The following NKAIN3 variants were observed in gnomAD, a reference collection of about 807,000 sequenced individuals.
NKAIN3 encodes sodium/potassium transporting ATPase interacting 3.
In NKAIN3, 25 loss-of-function variants were observed where a neutral mutation model predicts 30.2. That is an observed-to-expected ratio of 0.83 (90% CI 0.60 to 1.16). NKAIN3 has a LOEUF of 1.16. Ranked by LOEUF, NKAIN3 falls within the 50% of genes most tolerant of loss-of-function variation. The probability of loss-of-function intolerance (pLI) is 0.00; values close to 1 mark genes in which losing one functional copy is unlikely to be tolerated. For missense variants in NKAIN3, 225 were observed against 254.1 expected (o/e 0.89, Z 0.78); for synonymous variants, 91 against 89.6 (o/e 1.02, Z -0.09).
Position 62,410,980 on chromosome 8 carries a change from C to A in NKAIN3, c.54+161853C>A, listed in dbSNP as rs562438328. On this transcript the variant is annotated intron_variant, in intron 1 of 6. Transcript: ENST00000623646. ...CAGACATGCAAAGAAGAGCTGGTGC[C>A]AATCCTACTGAAAATATTCCAAAAA... Among the ~76,000 whole-genome samples the A allele has an allele frequency of 6.6e-5, 10 of 152,270 alleles. No individual in the cohort carries two copies. The East Asian group carries it at 1.9e-3, about 29-fold the overall frequency.
chr8:62,894,962 G>A (rs147146007), intron 4 of NKAIN3, among the ~76,000 whole-genome samples: 2 of 152,170 alleles, frequency 1.3e-5, no homozygotes. Flanking sequence ...TCCCTTTAAA[G>A]AGCTTTCTTG....
chr8:62,284,965 G>A (rs1813330093), intron 1 of NKAIN3, among the ~76,000 whole-genome samples: 1 of 152,094 alleles, frequency 6.6e-6, no homozygotes, highest in South Asian at 2.1e-4. Flanking sequence ...ATTCTCTTTA[G>A]TGAAAAATAG....
intron 1 of NKAIN3, among the ~76,000 whole-genome samples, chr8:62,364,051 T>TA (rs113607365): frequency 0.14 from 20,868 of 152,144 alleles, 1,735 homozygotes; most frequent in East Asian, 0.4. Context: ...CTTCTCTGTA[T>TA]AGATGCTTAT....
At chr8:62,436,986 T>C (rs923092614) in intron 1 of NKAIN3, among the ~76,000 whole-genome samples, 2 of 152,100 alleles carry the variant, frequency 1.3e-5, no homozygotes, top group South Asian at 2.1e-4. Context: ...CCAAAGTCAA[T>C]GAAAGATTGT....
intron 5 of NKAIN3, among the ~76,000 whole-genome samples, chr8:62,996,289 G>T (rs544272144): frequency 6.6e-6 from 1 of 152,160 alleles, no homozygotes; most frequent in Non-Finnish European, 1.5e-5. Context: ...GACAGAGTGC[G>T]CAGGGGAAAG....
rs1317600303 is a variant in NKAIN3, at chr8:62,968,956, A to G, written c.*3549A>G. On this transcript the variant is annotated 3_prime_UTR_variant, in exon 7 of 7. Transcript: ENST00000623646. Reference sequence around the variant, plus strand: ...CTTGGGTTGTGGAATAGCACACATCAGAGAAATCTCAAACATCTCTTAGGA... The same window carrying G: ...CTTGGGTTGTGGAATAGCACACATCGGAGAAATCTCAAACATCTCTTAGGA... 1.3e-5 allele frequency among the ~76,000 whole-genome samples: 2 copies of G among 152,222 alleles called. No homozygotes were observed. The highest frequency in any genetic ancestry group is 2.4e-5 in the African/African-American group (1 of 41,466).
chr8:62,519,260 T>C (rs527282537), intron 1 of NKAIN3, among the ~76,000 whole-genome samples: 2 of 152,244 alleles, frequency 1.3e-5, no homozygotes, highest in African/African-American at 2.4e-5. Flanking sequence ...AAAATTCTCA[T>C]GATGATTCAT....
chr8:62,968,386 G>A lies in NKAIN3; in HGVS notation c.*2979G>A, dbSNP rs765245363. On this transcript the variant is annotated 3_prime_UTR_variant, in exon 7 of 7. Transcript: ENST00000623646. Reference sequence around the variant, plus strand: ...TTATAGAATGCACTCTGCATTGTGCGTATCCAGTAGGGTTTTCAGCAAAGA... The same window carrying A: ...TTATAGAATGCACTCTGCATTGTGCATATCCAGTAGGGTTTTCAGCAAAGA... Among the ~76,000 whole-genome samples the A allele has an allele frequency of 9.2e-5, 14 of 152,280 alleles. No homozygotes were observed. In the South Asian group the frequency reaches 1.9e-3, roughly 20 times the overall value.
At chr8:62,485,661 T>C (rs533038031) in intron 1 of NKAIN3, among the ~76,000 whole-genome samples, 9 of 152,286 alleles carry the variant, frequency 5.9e-5, no homozygotes, top group African/African-American at 2.2e-4. Context: ...GCAGCAGTGC[T>C]GAGGACGGGG....
At chr8:62,896,788 C>A (rs1821440467) in intron 4 of NKAIN3, among the ~76,000 whole-genome samples, 1 of 152,026 alleles carries the variant, frequency 6.6e-6, no homozygotes, top group South Asian at 2.1e-4. Flanking sequence ...AATGTCAACA[C>A]TATGTGAATT....
chr8:62,870,682 T>TATATATAGATATATATAG (rs1410987091), intron 4 of NKAIN3, among the ~76,000 whole-genome samples: 17 of 115,470 alleles, frequency 1.5e-4, no homozygotes, highest in Non-Finnish European at 2.5e-4. Context: ...TCTATATATC[T>TATATATAGATATATATAG]ATATCTCTCT....
chr8:62,813,092 T>A (rs1233150980), intron 4 of NKAIN3, among the ~76,000 whole-genome samples: 1 of 151,974 alleles, frequency 6.6e-6, no homozygotes, highest in African/African-American at 2.4e-5. Context: ...CACCATTTAT[T>A]AAAAAGGGTG....
intron 5 of NKAIN3, among the ~76,000 whole-genome samples, chr8:62,919,624 C>T (rs1172280316): frequency 6.6e-6 from 1 of 152,112 alleles, no homozygotes; most frequent in Non-Finnish European, 1.5e-5. Context: ...GAAATCACAC[C>T]TAACCAAACC....
Position 62,907,489 on chromosome 8 carries a change from A to G in NKAIN3, c.472-10964A>G, listed in dbSNP as rs185306199. ...CTGGAACAATGGGGAAAATATCTCC[A>G]GGGCATTTCAGAGGTCTTCATGGCA... On this transcript the variant is annotated intron_variant, in intron 4 of 6. Transcript: ENST00000623646. Among the ~76,000 whole-genome samples the G allele has an allele frequency of 2.5e-4, 38 of 152,300 alleles. No individual in the cohort carries two copies. The East Asian group carries it at 6.8e-3, about 27-fold the overall frequency.
chr8:62,604,814 A>C (rs925166928), intron 3 of NKAIN3, among the ~76,000 whole-genome samples: 6 of 152,148 alleles, frequency 3.9e-5, no homozygotes, highest in African/African-American at 1.4e-4. Flanking sequence ...TGTAAAAATC[A>C]TATCATTTTC....
chr8:62,402,512 G>A (rs999707552), intron 1 of NKAIN3, among the ~76,000 whole-genome samples: 2 of 151,764 alleles, frequency 1.3e-5, no homozygotes, highest in South Asian at 2.1e-4. Flanking sequence ...TGAATCATCG[G>A]GGTGGTTTCC....
At chr8:62,744,840 C>T (rs1816016773) in intron 3 of NKAIN3, among the ~76,000 whole-genome samples, 1 of 152,092 alleles carries the variant, frequency 6.6e-6, no homozygotes, top group Non-Finnish European at 1.5e-5. Flanking sequence ...GTTTTATTAT[C>T]AATAAAGTGC....
At chr8:62,778,405 T>A (rs995494225) in intron 4 of NKAIN3, among the ~76,000 whole-genome samples, 8 of 152,124 alleles carry the variant, frequency 5.3e-5, no homozygotes, top group Non-Finnish European at 7.4e-5. Flanking sequence ...GAGCTGGCAC[T>A]GAAGCCACAG....
chr8:62,890,789 A>G (rs1821276534), intron 4 of NKAIN3, among the ~76,000 whole-genome samples: 1 of 152,208 alleles, frequency 6.6e-6, no homozygotes, highest in South Asian at 2.1e-4. Flanking sequence ...GTGGTAACCA[A>G]AAAGAAAGGG....
Sources: gnomAD v4.1 joint callset for allele counts (sites outside exome capture counted in the v4.1 genomes callset) on GRCh38, gnomAD v4.1.1 for gene constraint, MANE v1.5 for transcripts, NCBI Gene and HGNC (gene_info 2026-07-23, HGNC 2026-07-21) for gene names.